The following CORIN variants were observed in gnomAD, a reference collection of about 807,000 sequenced individuals.
The protein encoded by CORIN is atrial natriuretic peptide-converting enzyme.
In CORIN, 117 loss-of-function variants were observed where a neutral mutation model predicts 125.3. The observed-to-expected ratio is 0.93, with a 90% CI of 0.80 to 1.09. CORIN has a LOEUF of 1.09. Ranked by LOEUF, CORIN falls within the 50% of genes least tolerant of loss-of-function variation. The pLI is 0.00. For missense variants in CORIN, 1,253 were observed against 1,306.7 expected (o/e 0.96, Z 0.63); for synonymous variants, 450 against 466.4 (o/e 0.96, Z 0.45).
At chr4:47,674,596 T>C (rs572456484) in intron 9 of CORIN, 96 bp from the exon 10 acceptor site, 1 of 768,172 alleles carries the variant, frequency 1.3e-6, no homozygotes, top group Non-Finnish European at 2.3e-6. Flanking sequence ...AGCTGAGGAA[T>C]AACACAACTT....
At chr4:47,767,745 T>G (rs1729825013) in intron 3 of CORIN, among the ~76,000 whole-genome samples, 1 of 152,130 alleles carries the variant, frequency 6.6e-6, no homozygotes, top group Admixed American at 6.6e-5. Flanking sequence ...GAGAAAACCT[T>G]ACAATCGACA....
At chr4:47,763,236 T>C (rs1729550601) in intron 4 of CORIN, 143 bp downstream of exon 4, 1 of 640,644 alleles carries the variant, frequency 1.6e-6, no homozygotes, top group Non-Finnish European at 2.7e-6. Context: ...AACATTTCTA[T>C]TTTCAAAGAA....
intron 5 of CORIN, among the ~76,000 whole-genome samples, chr4:47,697,065 C>T (rs1577837833): frequency 3.3e-5 from 5 of 152,212 alleles, no homozygotes; most frequent in Admixed American, 2.6e-4. Context: ...CCTGTCAGCG[C>T]TCCATTCTCC....
intron 5 of CORIN, among the ~76,000 whole-genome samples, chr4:47,715,226 T>G (rs16860628): frequency 0.04 from 6,072 of 152,274 alleles, 404 homozygotes; most frequent in African/African-American, 0.14. Flanking sequence ...TGATTACAAC[T>G]GAAAACATGT....
At chr4:47,627,932 G>C (rs1368587478) in intron 16 of CORIN, among the ~76,000 whole-genome samples, 5 of 152,110 alleles carry the variant, frequency 3.3e-5, no homozygotes, top group African/African-American at 1.2e-4. Context: ...TCATTGCAAG[G>C]AACACCAGCC....
chr4:47,801,612 G>A (rs144423467), intron 2 of CORIN, among the ~76,000 whole-genome samples: 31 of 152,322 alleles, frequency 2.0e-4, no homozygotes, highest in African/African-American at 7.0e-4. Context: ...TGGAGAATGT[G>A]GGCACTTGGG....
chr4:47,780,636 G>A (rs976207424), intron 3 of CORIN, among the ~76,000 whole-genome samples: 12 of 152,040 alleles, frequency 7.9e-5, no homozygotes, highest in African/African-American at 2.9e-4. Flanking sequence ...GAAAGATGGT[G>A]GGATAGGAAA....
intron 1 of CORIN, among the ~76,000 whole-genome samples, chr4:47,826,389 C>T (rs963463184): frequency 6.6e-6 from 1 of 152,238 alleles, no homozygotes; most frequent in African/African-American, 2.4e-5. Context: ...TATTGTCTCA[C>T]AGTTCTGGAG....
At chr4:47,722,552 C>A (rs2109799928) in intron 5 of CORIN, among the ~76,000 whole-genome samples, 1 of 152,276 alleles carries the variant, frequency 6.6e-6, no homozygotes, top group East Asian at 1.9e-4. Flanking sequence ...CCTCATTCTC[C>A]AAATGTTGTC....
At chr4:47,678,516 A>G (rs1474036088) in intron 8 of CORIN, among the ~76,000 whole-genome samples, 2 of 152,116 alleles carry the variant, frequency 1.3e-5, no homozygotes, top group African/African-American at 4.8e-5. Flanking sequence ...AGCTTTTTGG[A>G]CTCTCAGCCC....
At chr4:47,669,727 T>C (rs1023533773) in intron 10 of CORIN, among the ~76,000 whole-genome samples, 7 of 151,908 alleles carry the variant, frequency 4.6e-5, no homozygotes, top group South Asian at 2.1e-4. Flanking sequence ...CACCACCACG[T>C]CCAGCTAATT....
At chr4:47,795,833 G>A (rs926959734) in intron 2 of CORIN, among the ~76,000 whole-genome samples, 3 of 151,936 alleles carry the variant, frequency 2.0e-5, no homozygotes, top group South Asian at 2.1e-4. Context: ...AGACACATAC[G>A]CAGAGCCAGT....
chr4:47,819,998 G>A (rs1732437260), intron 1 of CORIN, among the ~76,000 whole-genome samples: 1 of 152,186 alleles, frequency 6.6e-6, no homozygotes, highest in Non-Finnish European at 1.5e-5. Context: ...CCTGAAGCCA[G>A]ACAAGCAGCC....
chr4:47,667,681 A>G (rs1429545896), intron 10 of CORIN, among the ~76,000 whole-genome samples: 1 of 152,194 alleles, frequency 6.6e-6, no homozygotes, highest in African/African-American at 2.4e-5. Context: ...AAAATGATGC[A>G]TGAAGTGCAA....
intron 12 of CORIN, among the ~76,000 whole-genome samples, chr4:47,658,906 T>A (rs905521939): frequency 6.6e-6 from 1 of 152,256 alleles, no homozygotes; most frequent in Non-Finnish European, 1.5e-5. Flanking sequence ...CAACTTCAAG[T>A]TATTTCTTTG....
In CORIN at chr4:47,674,495, T is replaced by G; in HGVS notation, c.1255A>C (p.Thr419Pro). ...CTTTGGTCTCCTTCTTGACATGAAGTCTGAACTACAGAGGGAGGAAAAGGC... is the reference window on the plus strand; with the variant it reads ...CTTTGGTCTCCTTCTTGACATGAAGGCTGAACTACAGAGGGAGGAAAAGGC... ...SDEENCSVIQ[T>P]SCQEGDQRCL... The change falls in exon 10 of 22, where the codon ACT (threonine) becomes CCT (proline). Residue 419 changes from threonine (T) to proline (P), a missense_variant. Thr to Pro is a conservative substitution (Grantham distance 38, BLOSUM62 -1). Coordinates refer to ENST00000273857, the MANE Select transcript of CORIN (RefSeq NM_006587.4). 1 of 1,605,328 alleles carries G rather than the reference T, an allele frequency of 6.2e-7. No individual in the cohort carries two copies. Among genetic ancestry groups the G allele is most frequent in the Non-Finnish European group, 8.5e-7 (1 of 1,172,054 alleles).
At chr4:47,743,810 G>A (rs762841532) in intron 5 of CORIN, among the ~76,000 whole-genome samples, 26 of 151,814 alleles carry the variant, frequency 1.7e-4, no homozygotes, top group Non-Finnish European at 2.4e-4. Context: ...GCTCGAACCC[G>A]AAAGGCAGAG....
At chr4:47,818,362 T>C (rs1287055430) in intron 1 of CORIN, among the ~76,000 whole-genome samples, 1 of 152,038 alleles carries the variant, frequency 6.6e-6, no homozygotes, top group African/African-American at 2.4e-5. Flanking sequence ...AAAGAGTTTA[T>C]TGGAAAGAGA....
At chr4:47,596,374 C>T (rs1050791240) in intron 21 of CORIN, among the ~76,000 whole-genome samples, 3 of 152,164 alleles carry the variant, frequency 2.0e-5, no homozygotes, top group African/African-American at 7.2e-5. Flanking sequence ...TGAATGAATA[C>T]ATTAAGCATA....
Sources: allele counts gnomAD v4.1 joint callset (sites outside exome capture counted in the v4.1 genomes callset), GRCh38; gene constraint gnomAD v4.1.1; transcripts MANE v1.5; gene names NCBI Gene and HGNC (gene_info 2026-07-23, HGNC 2026-07-21).